GPC6: variants seen among roughly 807,000 people sequenced by gnomAD.
GPC6 encodes the protein glypican 6.
GPC6 carries 14 observed loss-of-function variants against 55.2 expected under a neutral mutation model. The observed-to-expected ratio is 0.25, with a 90% CI of 0.17 to 0.40. The LOEUF (loss-of-function observed/expected upper bound fraction) is 0.40. Ranked by LOEUF, GPC6 falls within the 10% of genes least tolerant of loss-of-function variation. The pLI, the probability that GPC6 is intolerant of heterozygous loss-of-function variation, is 1.00. For synonymous variants in GPC6, 278 were observed against 259.6 expected, an observed-to-expected ratio of 1.07 and a Z score of -0.68; for missense variants, 641 against 708.5, an observed-to-expected ratio of 0.90 and a Z score of 1.08.
chr13:93,382,646 A>G (rs902843485), intron 1 of GPC6, among the ~76,000 whole-genome samples: 3 of 152,202 alleles, frequency 2.0e-5, no homozygotes, highest in African/African-American at 7.2e-5. Flanking sequence ...ATAATCTTAT[A>G]AAGACATAAA....
Position 94,306,067 on chromosome 13 carries a change from C to T in GPC6, c.1096C>T (p.Pro366Ser). ...TGAAAATTTTAATACACGTTTCAGG[C>T]CCTACAATCCTGAGGAAAGACCAAC... ...APENFNTRFR[P>S]YNPEERPTTA... is the part of the protein sequence containing the mutation. The change falls in exon 6 of 9, where the codon CCC (proline) becomes TCC (serine). Residue 366 changes from proline (P) to serine (S), a missense_variant. By Grantham distance (74) the Pro-to-Ser change is moderately conservative. Transcript: ENST00000377047. 1 of 1,614,066 alleles carries T rather than the reference C, an allele frequency of 6.2e-7. No homozygotes were observed. Among genetic ancestry groups the T allele is most frequent in the Non-Finnish European group, 8.5e-7 (1 of 1,179,930 alleles).
At chr13:93,761,212 C>T (rs1313959395) in intron 2 of GPC6, among the ~76,000 whole-genome samples, 1 of 152,120 alleles carries the variant, frequency 6.6e-6, no homozygotes, top group African/African-American at 2.4e-5. Context: ...ATGAATTAGG[C>T]ACTGCATTAT....
At chr13:93,709,976 A>G (rs1377922883) in intron 2 of GPC6, among the ~76,000 whole-genome samples, 1 of 151,806 alleles carries the variant, frequency 6.6e-6, no homozygotes, top group Non-Finnish European at 1.5e-5. Flanking sequence ...AGGCTATATA[A>G]ATAAGGTCCA....
intron 2 of GPC6, among the ~76,000 whole-genome samples, chr13:93,574,179 T>G (rs1338083060): frequency 1.3e-5 from 2 of 152,348 alleles, no homozygotes; most frequent in East Asian, 3.9e-4. Context: ...TCCTAACCTG[T>G]AATACCTCTC....
chr13:94,287,547 A>G (rs1892564584), intron 5 of GPC6, among the ~76,000 whole-genome samples: 1 of 152,138 alleles, frequency 6.6e-6, no homozygotes. Flanking sequence ...ATGAAGGAGA[A>G]GAAAGAATCT....
chr13:93,765,086 A>G (rs1219233956), intron 2 of GPC6, among the ~76,000 whole-genome samples: 4 of 152,232 alleles, frequency 2.6e-5, no homozygotes, highest in Admixed American at 2.6e-4. Flanking sequence ...GGCGTGAGCC[A>G]CCGGGCATGC....
intron 4 of GPC6, among the ~76,000 whole-genome samples, chr13:94,120,505 T>C (rs1047198292): frequency 1.3e-5 from 2 of 152,058 alleles, no homozygotes; most frequent in Non-Finnish European, 2.9e-5. Context: ...AAACTGATCA[T>C]GTACACTTAA....
intron 3 of GPC6, among the ~76,000 whole-genome samples, chr13:93,922,807 T>C: frequency 6.6e-6 from 1 of 152,236 alleles, no homozygotes; most frequent in Middle Eastern, 3.2e-3. Flanking sequence ...TACGTTCCTT[T>C]AGGCTAAGCC....
chr13:94,278,470 A>G (rs1030145340), intron 4 of GPC6, among the ~76,000 whole-genome samples: 16 of 152,090 alleles, frequency 1.1e-4, no homozygotes, highest in Non-Finnish European at 2.2e-4. Flanking sequence ...TTCTGATACT[A>G]TGTTGAATAT....
chr13:93,978,855 C>T (rs905130790), intron 3 of GPC6, among the ~76,000 whole-genome samples: 2 of 152,140 alleles, frequency 1.3e-5, no homozygotes, highest in African/African-American at 4.8e-5. Flanking sequence ...AGATCATAAG[C>T]ACTTTGAATA....
chr13:94,034,962 C>A (rs907655589), intron 4 of GPC6, among the ~76,000 whole-genome samples: 4 of 150,464 alleles, frequency 2.7e-5, no homozygotes, highest in Non-Finnish European at 5.9e-5. Flanking sequence ...TACTAAAGTA[C>A]GACTTATGCC....
intron 4 of GPC6, among the ~76,000 whole-genome samples, chr13:94,284,990 G>A (rs1217632668): frequency 6.6e-6 from 1 of 151,930 alleles, no homozygotes; most frequent in Non-Finnish European, 1.5e-5. Flanking sequence ...CCTCAAAGGA[G>A]AATCTAATTT....
At chr13:93,680,303 G>A (rs1566483862) in intron 2 of GPC6, among the ~76,000 whole-genome samples, 1 of 152,132 alleles carries the variant, frequency 6.6e-6, no homozygotes, top group Admixed American at 6.6e-5. Context: ...ATAGGTCTTT[G>A]CCTTACATGC....
At chr13:93,279,783 T>C (rs112115533) in intron 1 of GPC6, among the ~76,000 whole-genome samples, 2 of 152,366 alleles carry the variant, frequency 1.3e-5, no homozygotes, top group African/African-American at 4.8e-5. Flanking sequence ...TAAAGTACTT[T>C]AATTTCTTTA....
intron 2 of GPC6, among the ~76,000 whole-genome samples, chr13:93,698,924 G>T (rs1384595538): frequency 6.6e-6 from 1 of 151,838 alleles, no homozygotes; most frequent in Non-Finnish European, 1.5e-5. Context: ...AATTTGAGGT[G>T]GGTGGCTTCT....
chr13:93,461,452 T>A (rs1207330460), intron 1 of GPC6, among the ~76,000 whole-genome samples: 2 of 152,176 alleles, frequency 1.3e-5, no homozygotes, highest in Non-Finnish European at 2.9e-5. Context: ...AAAGCTTAAA[T>A]AATTTAGTTA....
chr13:94,403,009 C>T lies in GPC6; in HGVS notation c.1466-6C>T. On this transcript the variant is annotated splice_region_variant and splice_polypyrimidine_tract_variant and intron_variant, in intron 8 of 8. Coordinates refer to ENST00000377047, the MANE Select transcript of GPC6 (RefSeq NM_005708.5). Reference sequence around the variant, plus strand: ...CTAACTTTCTTTTTCAATCTTTCCACACTAGGTGATGAATCCAGTGGCTCA... The same window carrying T: ...CTAACTTTCTTTTTCAATCTTTCCATACTAGGTGATGAATCCAGTGGCTCA... 1.3e-6 allele frequency: 2 copies of T among 1,597,146 alleles called. No homozygotes were observed. Among genetic ancestry groups the T allele is most frequent in the East Asian group, 4.5e-5 (2 of 44,798 alleles).
chr13:94,279,795 TG>T (rs1892319447), intron 4 of GPC6, among the ~76,000 whole-genome samples: 1 of 152,246 alleles, frequency 6.6e-6, no homozygotes, highest in South Asian at 2.1e-4. Context: ...GATGGCACTG[TG>T]GTCTGAGAGA....
chr13:94,159,817 G>T (rs944260646), intron 4 of GPC6, among the ~76,000 whole-genome samples: 2 of 152,182 alleles, frequency 1.3e-5, no homozygotes, highest in African/African-American at 4.8e-5. Flanking sequence ...TCTAGGTCCT[G>T]TGAGAAATCT....
Sources: gnomAD v4.1 joint callset for allele counts (sites outside exome capture counted in the v4.1 genomes callset) on GRCh38, gnomAD v4.1.1 for gene constraint, MANE v1.5 for transcripts, NCBI Gene and HGNC (gene_info 2026-07-23, HGNC 2026-07-21) for gene names.